TENM2: variants seen among roughly 807,000 people sequenced by gnomAD.
TENM2 encodes the protein teneurin transmembrane protein 2, also known as teneurin-2.
In TENM2, 52 loss-of-function variants were observed where a neutral mutation model predicts 245.2. The ratio of observed to expected loss-of-function variants is 0.21; its 90% CI spans 0.17 to 0.27. The LOEUF (loss-of-function observed/expected upper bound fraction) is 0.27. Ranked by LOEUF, TENM2 falls within the 10% of genes least tolerant of loss-of-function variation. TENM2 has a pLI of 1.00. For synonymous variants in TENM2, 1,363 were observed against 1,438.9 expected (o/e 0.95, Z 1.19); for missense variants, 3,046 against 3,666.8 (o/e 0.83, Z 4.37).
At chr5:167,421,590 G>A (rs184324394) in intron 2 of TENM2, among the ~76,000 whole-genome samples, 35 of 152,214 alleles carry the variant, frequency 2.3e-4, no homozygotes, top group South Asian at 6.2e-4. Context: ...GAGTGTGGAC[G>A]TTGGCGACTA....
chr5:168,103,332 A>T (rs958570228), intron 9 of TENM2, among the ~76,000 whole-genome samples: 1 of 152,186 alleles, frequency 6.6e-6, no homozygotes, highest in Admixed American at 6.5e-5. Flanking sequence ...CGTAACTCAA[A>T]GATCAAAACC....
chr5:168,188,413 G>T (rs771227026), intron 13 of TENM2, among the ~76,000 whole-genome samples: 5 of 152,174 alleles, frequency 3.3e-5, no homozygotes, highest in Non-Finnish European at 5.9e-5. Flanking sequence ...GCTCCCAGCC[G>T]AGTGAATAAG....
At chr5:167,503,511 G>A (rs1769346881) in intron 2 of TENM2, among the ~76,000 whole-genome samples, 1 of 119,976 alleles carries the variant, frequency 8.3e-6, no homozygotes, top group Non-Finnish European at 1.9e-5. Context: ...TCAGAATAAT[G>A]TCTTCCTTTT....
chr5:167,073,697 T>C, the TENM2 span, among the ~76,000 whole-genome samples: 1 of 152,150 alleles, frequency 6.6e-6, no homozygotes. Context: ...TATCTTCACA[T>C]AGAAATAAAC....
the TENM2 span, among the ~76,000 whole-genome samples, chr5:167,018,216 A>G: frequency 4.6e-5 from 7 of 152,176 alleles, no homozygotes; most frequent in Non-Finnish European, 1.0e-4. Flanking sequence ...ATATATCACA[A>G]TTCTTGTTAC....
intron 2 of TENM2, among the ~76,000 whole-genome samples, chr5:167,789,634 C>T (rs1764815360): frequency 6.6e-6 from 1 of 152,172 alleles, no homozygotes; most frequent in Admixed American, 6.5e-5. Flanking sequence ...CTGCTTTGAT[C>T]GTGTTGTTTA....
intron 1 of TENM2, among the ~76,000 whole-genome samples, chr5:167,308,629 C>T (rs1240420410): frequency 6.6e-6 from 1 of 152,168 alleles, no homozygotes; most frequent in South Asian, 2.1e-4. Flanking sequence ...CCTGTGTTCA[C>T]CCAGAAAGAG....
intron 2 of TENM2, among the ~76,000 whole-genome samples, chr5:167,659,619 T>G (rs1755073606): frequency 6.6e-6 from 1 of 152,210 alleles, no homozygotes; most frequent in Non-Finnish European, 1.5e-5. Flanking sequence ...TGTTTCCTCT[T>G]TCAAATAATC....
the TENM2 span, among the ~76,000 whole-genome samples, chr5:167,063,085 T>C: frequency 6.6e-6 from 1 of 152,150 alleles, no homozygotes; most frequent in African/African-American, 2.4e-5. Context: ...GGACACATTG[T>C]AAGTTTCTAG....
At chr5:166,989,681 T>G in the TENM2 span, among the ~76,000 whole-genome samples, 1 of 151,602 alleles carries the variant, frequency 6.6e-6, no homozygotes, top group Non-Finnish European at 1.5e-5. Flanking sequence ...CGTGAGCCAC[T>G]GCACCTGGCC....
At chr5:168,246,235 C>CAAA (rs111982569) in intron 26 of TENM2, among the ~76,000 whole-genome samples, 11 of 129,594 alleles carry the variant, frequency 8.5e-5, no homozygotes, top group South Asian at 2.4e-4. Context: ...GACTCTGTTT[C>CAAA]AAAAAAAAAA....
At chr5:167,177,320 C>T in the TENM2 span, among the ~76,000 whole-genome samples, 7 of 152,068 alleles carry the variant, frequency 4.6e-5, no homozygotes, top group Non-Finnish European at 7.4e-5. Flanking sequence ...TAAGGGAAAT[C>T]GGTAATTATA....
intron 2 of TENM2, among the ~76,000 whole-genome samples, chr5:167,556,968 A>C (rs1015376809): frequency 2.0e-5 from 3 of 152,188 alleles, no homozygotes; most frequent in Admixed American, 2.0e-4. Context: ...TCAATTAGGG[A>C]TTCTACCAGA....
At chr5:166,987,591 G>T in the TENM2 span, among the ~76,000 whole-genome samples, 128 of 152,132 alleles carry the variant, frequency 8.4e-4, 1 homozygote, top group Non-Finnish European at 1.6e-3. Context: ...GGTAAAGCCA[G>T]ACGGTCAGTA....
At chr5:168,115,131 T>A (rs1328538417) in intron 9 of TENM2, among the ~76,000 whole-genome samples, 1 of 151,868 alleles carries the variant, frequency 6.6e-6, no homozygotes, top group Non-Finnish European at 1.5e-5. Flanking sequence ...CCATCTCTAC[T>A]AAAAATACAA....
intron 3 of TENM2, among the ~76,000 whole-genome samples, chr5:167,888,122 A>G (rs972568197): frequency 2.6e-5 from 4 of 152,220 alleles, no homozygotes; most frequent in African/African-American, 9.6e-5. Flanking sequence ...AAATAAGGTC[A>G]CATTCCCAGC....
At chr5:167,777,845 G>C (rs756246765) in intron 2 of TENM2, among the ~76,000 whole-genome samples, 2 of 152,190 alleles carry the variant, frequency 1.3e-5, no homozygotes, top group South Asian at 2.1e-4. Context: ...ATGCAAGTAA[G>C]TAAATTATTA....
intron 2 of TENM2, among the ~76,000 whole-genome samples, chr5:167,840,287 T>C (rs6865076): frequency 0.016 from 2,443 of 152,332 alleles, 74 homozygotes; most frequent in African/African-American, 0.054. Context: ...CCCCTGACTT[T>C]AATGCTAAGC....
intron 3 of TENM2, among the ~76,000 whole-genome samples, chr5:167,935,524 C>G (rs1050709917): frequency 6.6e-6 from 1 of 152,180 alleles, no homozygotes; most frequent in Non-Finnish European, 1.5e-5. Flanking sequence ...ATGTAACAGA[C>G]CTTGGACTTG....
Sources: allele counts gnomAD v4.1 joint callset (sites outside exome capture counted in the v4.1 genomes callset), GRCh38; gene constraint gnomAD v4.1.1; transcripts MANE v1.5; gene names NCBI Gene and HGNC (gene_info 2026-07-23, HGNC 2026-07-21).